The following WIPI1 variants were observed in gnomAD, a reference collection of about 807,000 sequenced individuals.
WIPI1 encodes the protein WD repeat domain phosphoinositide-interacting protein 1.
WIPI1 carries 45 observed loss-of-function variants against 55.3 expected under a neutral mutation model. That is an observed-to-expected ratio of 0.81 (90% CI 0.64 to 1.04). WIPI1 has a LOEUF of 1.04. Among genes scored for constraint, WIPI1 ranks in the 50% least tolerant of loss-of-function variants. The pLI is 0.00. For missense variants in WIPI1, 445 were observed against 559.0 expected (o/e 0.80, Z 2.06); for synonymous variants, 195 against 217.6 (o/e 0.90, Z 0.92).
intron 4 of WIPI1, among the ~76,000 whole-genome samples, chr17:68,442,047 A>G (rs1382944445): frequency 6.6e-6 from 1 of 152,204 alleles, no homozygotes; most frequent in Non-Finnish European, 1.5e-5. Flanking sequence ...CACTGTCTCT[A>G]ACAGGGAACA....
chr17:68,454,712 AC>A (rs1341602753), intron 1 of WIPI1, among the ~76,000 whole-genome samples: 1 of 152,250 alleles, frequency 6.6e-6, no homozygotes, highest in African/African-American at 2.4e-5. Context: ...AAACTTTTTC[AC>A]ATAAATATAG....
chr17:68,437,260 C>G (rs942033146), intron 4 of WIPI1, among the ~76,000 whole-genome samples: 4 of 152,020 alleles, frequency 2.6e-5, no homozygotes, highest in African/African-American at 9.7e-5. Context: ...TATTTAGAAA[C>G]TGAGAAATTT....
In WIPI1 at chr17:68,423,512, A is replaced by C. The variant is rs1333808145; in HGVS notation, c.1294-1692T>G. 6.6e-6 allele frequency among the ~76,000 whole-genome samples: 1 copy of C among 152,204 alleles called. No individual in the cohort carries two copies. The highest frequency in any genetic ancestry group is 6.5e-5 in the Admixed American group (1 of 15,278). On this transcript the variant is annotated intron_variant, in intron 12 of 12. Transcript: ENST00000262139. The surrounding 1 kb of genome is among the most constrained non-coding windows in gnomAD (Gnocchi z 4.4). ...GCTGCTTGACACTCACAAGGGTCTA[A>C]CACCTGTTCTAGGGACCTTGTTCAG...
chr17:68,433,717 C>T (rs1046441956), intron 7 of WIPI1, 142 bp from the exon 8 acceptor site: 6 of 279,072 alleles, frequency 2.1e-5, no homozygotes, highest in Admixed American at 1.4e-4. Flanking sequence ...CTGTGGTGCT[C>T]ATATTTAGAA....
At chr17:68,446,088 T>C (rs2084272502) in intron 3 of WIPI1, among the ~76,000 whole-genome samples, 1 of 152,196 alleles carries the variant, frequency 6.6e-6, no homozygotes, top group South Asian at 2.1e-4. Flanking sequence ...GGGAAAAGCC[T>C]GCCCTGCTAT....
In WIPI1 at chr17:68,456,945, T is replaced by A. The variant is rs187045145; in HGVS notation, c.80+397A>T. Among the ~76,000 whole-genome samples the A allele has an allele frequency of 3.9e-5, 6 of 152,208 alleles. No individual in the cohort carries two copies. In the East Asian group the frequency reaches 1.2e-3, roughly 29 times the overall value. On this transcript the variant is annotated intron_variant, in intron 1 of 12. Transcript: ENST00000262139. ...TGGGCCCCAACTACAGAGTCCTGGG[T>A]CAACTTGCAACTTCCTCTCCTTTCT... is the stretch of plus-strand genomic sequence containing the variant.
intron 12 of WIPI1, 60 bp downstream of exon 12, chr17:68,426,015 C>T (rs944783251): frequency 2.8e-5 from 39 of 1,387,012 alleles, no homozygotes; most frequent in Middle Eastern, 2.0e-4. Flanking sequence ...TCGTATGAGG[C>T]GAAGGTTTCC....
intron 7 of WIPI1, among the ~76,000 whole-genome samples, chr17:68,433,779 T>TTG (rs2083643437): frequency 1.4e-5 from 1 of 70,520 alleles, no homozygotes; most frequent in African/African-American, 4.4e-5. Flanking sequence ...TTTTTTTTTT[T>TTG]TTTTTTTTTT....
At chr17:68,426,993 C>G (rs1422652399) in intron 11 of WIPI1, 142 bp downstream of exon 11, 2 of 684,914 alleles carry the variant, frequency 2.9e-6, no homozygotes, top group Non-Finnish European at 5.0e-6. Context: ...ACTCCACCCC[C>G]AGGTAACAGT....
At chr17:68,435,084 G>C (rs974239783) in intron 6 of WIPI1, among the ~76,000 whole-genome samples, 1 of 152,044 alleles carries the variant, frequency 6.6e-6, no homozygotes, top group Non-Finnish European at 1.5e-5. Flanking sequence ...GCATGTGCCT[G>C]TAATCTCAGC....
chr17:68,451,612 T>A (rs943388153), intron 2 of WIPI1, among the ~76,000 whole-genome samples: 5 of 152,194 alleles, frequency 3.3e-5, no homozygotes, highest in African/African-American at 9.6e-5. Flanking sequence ...CCTGAGAGAT[T>A]TCAAAGGCGT....
intron 10 of WIPI1, among the ~76,000 whole-genome samples, chr17:68,427,948 G>C (rs2083308045): frequency 6.6e-6 from 1 of 152,074 alleles, no homozygotes; most frequent in Non-Finnish European, 1.5e-5. Context: ...GCAGTGCAGT[G>C]GTGTGACCAC....
intron 8 of WIPI1, 93 bp from the exon 9 acceptor site, chr17:68,430,253 C>A: frequency 7.6e-7 from 1 of 1,307,896 alleles, no homozygotes. Context: ...AGCCACACTC[C>A]CCGCAGCAGG....
At chr17:68,434,912 C>A (rs1472330529) in intron 6 of WIPI1, among the ~76,000 whole-genome samples, 4 of 152,084 alleles carry the variant, frequency 2.6e-5, no homozygotes. Flanking sequence ...CTTAGAATTT[C>A]AATTTGAGGC....
At chr17:68,438,604 T>G (rs961713187) in intron 4 of WIPI1, among the ~76,000 whole-genome samples, 9 of 152,140 alleles carry the variant, frequency 5.9e-5, no homozygotes, top group African/African-American at 2.2e-4. Context: ...GCACATATGT[T>G]TTGCTTTGTT....
chr17:68,433,947 T>C (rs1852776890), intron 7 of WIPI1, among the ~76,000 whole-genome samples: 1 of 151,908 alleles, frequency 6.6e-6, no homozygotes, highest in African/African-American at 2.4e-5. Context: ...CACACCCAGC[T>C]AATTTTTGTA....
intron 4 of WIPI1, chr17:68,440,912 A>T (rs2147931867): frequency 6.6e-6 from 1 of 152,370 alleles, no homozygotes; most frequent in East Asian, 1.9e-4. Context: ...AAATAGAAAG[A>T]CATCTTCTTT....
At position 68,426,151 on chromosome 17, in the gene WIPI1, A is replaced by G. The variant is rs77156594; in HGVS notation, c.1217T>C (p.Leu406Pro). The G allele has an allele frequency of 8.7e-4, 1,395 of 1,598,536 alleles. 5 individuals carry two copies. The highest frequency in any genetic ancestry group is 4.1e-3 in the Middle Eastern group (19 of 4,580). Residue 406 changes from leucine (L) to proline (P), a missense_variant, in exon 12 of 13, where the codon CTG becomes CCG. Leu to Pro is a moderately conservative substitution (Grantham distance 98, BLOSUM62 -3). Coordinates refer to ENST00000262139, the MANE Select transcript of WIPI1 (RefSeq NM_017983.7). Reference protein sequence around the residue: ...VPGYSEDGGALRGEVIPEHEF... With the variant: ...VPGYSEDGGAPRGEVIPEHEF... ...ATGTTCAGGAATAACTTCTCCTCGC[A>G]GCGCCCCGCCGTCCTCAGAATAACC...
intron 3 of WIPI1, among the ~76,000 whole-genome samples, chr17:68,449,340 A>C (rs939694431): frequency 6.6e-5 from 10 of 152,236 alleles, no homozygotes; most frequent in Non-Finnish European, 1.0e-4. Flanking sequence ...CTGCCTTCAC[A>C]GTAATTTGGC....
Sources: gnomAD v4.1 joint callset for allele counts (sites outside exome capture counted in the v4.1 genomes callset) on GRCh38, gnomAD v4.1.1 for gene constraint, Gnocchi (gnomAD v3.1) non-coding constraint, MANE v1.5 for transcripts, NCBI Gene and HGNC (gene_info 2026-07-23, HGNC 2026-07-21) for gene names.